Variants in RAD54B observed in about 807,000 individuals in gnomAD.
The protein encoded by RAD54B is DNA repair and recombination protein RAD54B.
A neutral mutation model predicts 95.8 loss-of-function variants in RAD54B; 78 were observed. That is an observed-to-expected ratio of 0.81 (90% CI 0.68 to 0.98). RAD54B has a LOEUF of 0.98. Ranked by LOEUF, RAD54B falls within the 50% of genes least tolerant of loss-of-function variation. The pLI, the probability that RAD54B is intolerant of heterozygous loss-of-function variation, is 0.00. For synonymous variants in RAD54B, 328 were observed against 354.9 expected, an observed-to-expected ratio of 0.92 and a Z score of 0.85; for missense variants, 957 against 1,056.6, an observed-to-expected ratio of 0.91 and a Z score of 1.31.
At chr8:94,430,274 G>T in intron 3 of RAD54B, 5 of 889,048 alleles carry the variant, frequency 5.6e-6, no homozygotes, top group Non-Finnish European at 6.7e-6. Flanking sequence ...TCGCACCACT[G>T]CACTCCAACC....
At chr8:94,431,745 C>T in intron 3 of RAD54B, 1 of 995,534 alleles carries the variant, frequency 1.0e-6, no homozygotes. Context: ...GTTAGTATAG[C>T]TCCTAAATTA....
rs1229650256 is a variant in RAD54B, at chr8:94,372,622, A to T, written c.2516-235T>A. Among the ~76,000 whole-genome samples, 4 of 152,202 alleles carry T rather than the reference A, an allele frequency of 2.6e-5. No homozygotes were observed. The East Asian group carries it at 7.7e-4, about 29-fold the overall frequency. On this transcript the variant is annotated intron_variant, in intron 14 of 14. Coordinates refer to ENST00000336148, the MANE Select transcript of RAD54B (RefSeq NM_012415.3). ...ACAGGCATGGTCTCTGACTTCAAGG[A>T]CCTTACAGTCTAGTGGGAGAGATAT...
chr8:94,403,736 A>G (rs1327961858), intron 6 of RAD54B, among the ~76,000 whole-genome samples: 1 of 151,908 alleles, frequency 6.6e-6, no homozygotes, highest in Non-Finnish European at 1.5e-5. Flanking sequence ...TGCTCTTATG[A>G]CCCTTTACCA....
At chr8:94,400,087 A>G in intron 7 of RAD54B, 151 bp downstream of exon 7, 1 of 650,874 alleles carries the variant, frequency 1.5e-6, no homozygotes, top group Non-Finnish European at 2.6e-6. Context: ...GGACACAAAC[A>G]TTCAGTCCAT....
At chr8:94,427,666 A>T (rs1392464047) in intron 3 of RAD54B, 4 of 966,052 alleles carry the variant, frequency 4.1e-6, no homozygotes, top group Non-Finnish European at 4.9e-6. Flanking sequence ...TTACCTCTAC[A>T]GTACTGAATT....
At chr8:94,378,739 T>C in intron 12 of RAD54B, 105 bp from the exon 13 acceptor site, 1 of 736,418 alleles carries the variant, frequency 1.4e-6, no homozygotes. Flanking sequence ...TTCTATATTT[T>C]ACATACAGCT....
chr8:94,396,887 G>A (rs910114167), intron 8 of RAD54B, among the ~76,000 whole-genome samples: 9 of 152,174 alleles, frequency 5.9e-5, no homozygotes, highest in Admixed American at 2.0e-4. Context: ...GATACTCCAC[G>A]AATACATTTG....
At chr8:94,383,271 C>G (rs926754918) in intron 11 of RAD54B, among the ~76,000 whole-genome samples, 1 of 115,484 alleles carries the variant, frequency 8.7e-6, no homozygotes, top group African/African-American at 3.4e-5. Context: ...GGCAACAGAG[C>G]AAGACTCCAT....
chr8:94,446,034 AT>A (rs556277370), intron 3 of RAD54B, among the ~76,000 whole-genome samples: 126 of 152,310 alleles, frequency 8.3e-4, no homozygotes, highest in African/African-American at 2.9e-3. Flanking sequence ...TTTATGTAAG[AT>A]TTTTTAAAGT....
chr8:94,380,504 T>C, intron 11 of RAD54B, 98 bp from the exon 12 acceptor site: 1 of 1,186,120 alleles, frequency 8.4e-7, no homozygotes, highest in South Asian at 1.6e-5. Flanking sequence ...TCACTGACAT[T>C]GAGAGAACAT....
rs138037330 is a variant in RAD54B at position 94,380,272 on chromosome 8, T to C, written c.2120A>G (p.Asn707Ser). The change falls in exon 12 of 15, where the codon AAC becomes AGC. Residue 707 changes from asparagine to serine, a missense_variant. Coordinates refer to ENST00000336148, the MANE Select transcript of RAD54B (RefSeq NM_012415.3). ...AATAAAAAAAGAAGAGTGTTGACTG[T>C]TAAAGCCATCAACAATCTGCTGCCT... ...SQRQQIVDGF[N>S]SQHSSFFIFL... 10 of 1,614,014 alleles carry C rather than the reference T, an allele frequency of 6.2e-6. No individual in the cohort carries two copies. The African/African-American group carries it at 1.3e-4, about 22-fold the overall frequency.
chr8:94,373,369 C>T lies in RAD54B; in HGVS notation c.2516-982G>A, dbSNP rs552956562. Among the ~76,000 whole-genome samples the T allele has an allele frequency of 3.5e-3, 531 of 150,456 alleles. 3 individuals carry two copies. Among genetic ancestry groups the T allele is most frequent in the Middle Eastern group, 0.017 (5 of 290 alleles). ...CCTCCAGGGCACTTAGTCACCTTTT[C>T]CAGCCTCCCTTACGGTTAGATATTG... On this transcript the variant is annotated intron_variant, in intron 14 of 14. Transcript: ENST00000336148.
At chr8:94,453,591 A>G (rs1812715713) in intron 3 of RAD54B, among the ~76,000 whole-genome samples, 1 of 152,180 alleles carries the variant, frequency 6.6e-6, no homozygotes. Context: ...TCAGTGATAT[A>G]CTGTTGCAGT....
intron 3 of RAD54B, among the ~76,000 whole-genome samples, chr8:94,416,154 G>C (rs1162787553): frequency 6.6e-6 from 1 of 151,464 alleles, no homozygotes; most frequent in African/African-American, 2.4e-5. Flanking sequence ...AAGAAAATGT[G>C]GCACATATAT....
chr8:94,413,301 G>A (rs1198388332), intron 3 of RAD54B, among the ~76,000 whole-genome samples: 3 of 152,222 alleles, frequency 2.0e-5, no homozygotes, highest in African/African-American at 7.2e-5. Flanking sequence ...ATAATGCTGC[G>A]ATAATCAAGA....
chr8:94,381,082 A>C (rs768287942), intron 11 of RAD54B, among the ~76,000 whole-genome samples: 2 of 152,142 alleles, frequency 1.3e-5, no homozygotes, highest in Non-Finnish European at 2.9e-5. Context: ...ACTTGAATCC[A>C]AGAGTTTCAG....
intron 6 of RAD54B, 90 bp from the exon 7 acceptor site, chr8:94,400,553 A>G: frequency 1.9e-6 from 2 of 1,054,030 alleles, no homozygotes; most frequent in South Asian, 3.4e-5. Flanking sequence ...GATATTTTGT[A>G]ATGACACTGA....
At chr8:94,399,190 A>G (rs1046006108) in intron 8 of RAD54B, among the ~76,000 whole-genome samples, 2 of 152,166 alleles carry the variant, frequency 1.3e-5, no homozygotes, top group Non-Finnish European at 2.9e-5. Flanking sequence ...ATTCCTTATC[A>G]TGATATCATT....
chr8:94,423,587 G>A (rs1417410826), intron 3 of RAD54B, among the ~76,000 whole-genome samples: 1 of 152,096 alleles, frequency 6.6e-6, no homozygotes, highest in Non-Finnish European at 1.5e-5. Context: ...TATCAGGATC[G>A]TATTAATCCA....
Sources: gnomAD v4.1 joint callset for allele counts (sites outside exome capture counted in the v4.1 genomes callset) on GRCh38, gnomAD v4.1.1 for gene constraint, MANE v1.5 for transcripts, NCBI Gene and HGNC (gene_info 2026-07-23, HGNC 2026-07-21) for gene names.